The following IMMP1L variants were observed in gnomAD, a reference collection of about 807,000 sequenced individuals.
The protein encoded by IMMP1L is mitochondrial inner membrane protease subunit 1.
Under a neutral mutation model 21.8 loss-of-function variants are expected in IMMP1L, and 24 were observed. That is an observed-to-expected ratio of 1.10 (90% CI 0.80 to 1.55). IMMP1L has a LOEUF of 1.55. IMMP1L is among the 40% of genes most tolerant of loss of function. The probability of loss-of-function intolerance (pLI) is 0.00; values close to 1 mark genes in which losing one functional copy is unlikely to be tolerated. For synonymous variants in IMMP1L, 46 were observed against 62.8 expected (o/e 0.73, Z 1.26); for missense variants, 195 against 200.7 (o/e 0.97, Z 0.17).
intron 1 of IMMP1L, among the ~76,000 whole-genome samples, chr11:31,468,787 G>C (rs890462604): frequency 6.6e-6 from 1 of 152,092 alleles, no homozygotes; most frequent in African/African-American, 2.4e-5. Flanking sequence ...GAGAATAACG[G>C]GTGAGGCATA....
In IMMP1L at chr11:31,509,523, G is replaced by A. The variant is rs773782953; in HGVS notation, c.-34C>T. On this transcript the variant is annotated 5_prime_UTR_variant, in exon 1 of 6. Coordinates refer to ENST00000532287, the MANE Select transcript of IMMP1L (RefSeq NM_001304274.2). Reference sequence around the variant, plus strand: ...ACGTTACGTGATATTACCTACCTCGGGCCCCAAAGAACCCTGGAGACCCTC... The same window carrying A: ...ACGTTACGTGATATTACCTACCTCGAGCCCCAAAGAACCCTGGAGACCCTC... 199 of 541,532 alleles carry A rather than the reference G, an allele frequency of 3.7e-4. No homozygotes were observed. Among genetic ancestry groups the A allele is most frequent in the Admixed American group, 5.8e-4 (19 of 32,530 alleles). 33.5% of individuals were successfully genotyped at this position (541,532 alleles called of 1,614,324 possible).
intron 4 of IMMP1L, among the ~76,000 whole-genome samples, chr11:31,441,186 TA>T (rs1424536107): frequency 6.6e-6 from 1 of 152,126 alleles, no homozygotes; most frequent in Non-Finnish European, 1.5e-5. Flanking sequence ...CACAGAAATA[TA>T]TGTGTATGTG....
At chr11:31,442,613 T>C (rs1953374842) in intron 4 of IMMP1L, among the ~76,000 whole-genome samples, 3 of 152,198 alleles carry the variant, frequency 2.0e-5, no homozygotes, top group Admixed American at 2.0e-4. Context: ...CAACCAGCAA[T>C]GGTAGGGTTT....
Position 31,509,604 on chromosome 11 carries a change from T to C in IMMP1L, c.-115A>G. The stretch of plus-strand genomic sequence containing the variant: ...GGGCCCCGCCGAAGTCGACCGTCCT[T>C]TCGTAGGGCGCACTTTTCAGCAATA... On this transcript the variant is annotated 5_prime_UTR_variant, in exon 1 of 6. Transcript: ENST00000532287. The C allele has an allele frequency of 1.5e-6, 1 of 655,914 alleles. No homozygotes were observed. Among genetic ancestry groups the C allele is most frequent in the Non-Finnish European group, 2.6e-6 (1 of 386,600 alleles). 40.6% of individuals were successfully genotyped at this position (655,914 alleles called of 1,614,324 possible).
intron 4 of IMMP1L, among the ~76,000 whole-genome samples, chr11:31,450,588 T>C (rs1268470527): frequency 6.6e-6 from 1 of 152,220 alleles, no homozygotes; most frequent in African/African-American, 2.4e-5. Context: ...CAATATTTTC[T>C]ACAACTTTCA....
chr11:31,482,933 T>C (rs1954948105), intron 1 of IMMP1L, among the ~76,000 whole-genome samples: 1 of 151,954 alleles, frequency 6.6e-6, no homozygotes, highest in African/African-American at 2.4e-5. Flanking sequence ...TACGCAAATG[T>C]CCACTAACAG....
intron 1 of IMMP1L, among the ~76,000 whole-genome samples, chr11:31,489,610 T>C (rs1412559376): frequency 1.4e-5 from 2 of 143,098 alleles, no homozygotes; most frequent in Admixed American, 7.0e-5. Context: ...CTTCTTATCT[T>C]ATCTCTTGCC....
intron 1 of IMMP1L, among the ~76,000 whole-genome samples, chr11:31,502,565 A>G (rs1955655690): frequency 2.0e-5 from 3 of 152,202 alleles, no homozygotes; most frequent in African/African-American, 7.2e-5. Flanking sequence ...TTCATATGAA[A>G]TAGTTTTAAA....
At chr11:31,434,854 C>T (rs1591933648) in intron 4 of IMMP1L, among the ~76,000 whole-genome samples, 1 of 152,084 alleles carries the variant, frequency 6.6e-6, no homozygotes, top group South Asian at 2.1e-4. Context: ...ACTAGTTTGT[C>T]CAAGGGCCAA....
rs192855206 is a variant in IMMP1L, at chr11:31,507,248, C to G, written c.-30+2271G>C. ...TGAGCCGAGATCGCGCCACTGCACT[C>G]CAGCCCGGGGAACACACCTAGACTC... On this transcript the variant is annotated intron_variant, in intron 1 of 5. Transcript: ENST00000532287. 2.6e-4 allele frequency among the ~76,000 whole-genome samples: 40 copies of G among 152,112 alleles called. No homozygotes were observed. The Middle Eastern group carries it at 0.01, about 39-fold the overall frequency.
chr11:31,465,521 T>C (rs1037111275), intron 1 of IMMP1L, among the ~76,000 whole-genome samples: 2 of 151,938 alleles, frequency 1.3e-5, no homozygotes, highest in Non-Finnish European at 2.9e-5. Flanking sequence ...ATAAAGCTGA[T>C]GGTATTACAC....
rs569114493 is a variant in IMMP1L at position 31,475,434 on chromosome 11, G to A, written c.-29-12129C>T. ...CTCACTGTGCCACAGTTCATGAACGGCTTTTAGAGAGATCAGCCTCCAACT... is the reference window on the plus strand; with the variant it reads ...CTCACTGTGCCACAGTTCATGAACGACTTTTAGAGAGATCAGCCTCCAACT... On this transcript the variant is annotated intron_variant, in intron 1 of 5. Transcript: ENST00000532287. 3.3e-5 allele frequency among the ~76,000 whole-genome samples: 5 copies of A among 152,190 alleles called. No homozygotes were observed. In the South Asian group the frequency reaches 8.3e-4, roughly 25 times the overall value.
In IMMP1L at chr11:31,460,709, A is replaced by G; in HGVS notation, c.111T>C (p.Ser37=). ...FEYVGGVVMC[S]GPSMEPTIQN... The stretch of plus-strand genomic sequence containing the variant: ...GAATTGTAGGCTCCATTGATGGTCC[A>G]GAACACTGAAAAGAGAGGTAATTTG... Residue 37 remains serine (S), a synonymous_variant, in exon 3 of 6, where the codon TCT becomes TCC. Coordinates refer to ENST00000532287, the MANE Select transcript of IMMP1L (RefSeq NM_001304274.2). 6.3e-7 allele frequency: 1 copy of G among 1,592,620 alleles called. No homozygotes were observed. The highest frequency in any genetic ancestry group is 8.6e-7 in the Non-Finnish European group (1 of 1,162,768).
intron 5 of IMMP1L, 142 bp from the exon 6 acceptor site, chr11:31,432,710 C>T (rs899625654): frequency 3.2e-6 from 2 of 630,876 alleles, no homozygotes; most frequent in African/African-American, 3.7e-5. Context: ...AAATTTTCTA[C>T]ATCAAAGTAA....
In IMMP1L at chr11:31,501,142, T is replaced by A. The variant is rs562928621; in HGVS notation, c.-30+8377A>T. Among the ~76,000 whole-genome samples the A allele has an allele frequency of 3.9e-5, 6 of 152,174 alleles. No individual in the cohort carries two copies. In the East Asian group the frequency reaches 1.2e-3, roughly 29 times the overall value. ...CAGATACAGAACATTTCCATCAACA[T>A]AGGAGGTTCTACTGGACAGGGTTCA... On this transcript the variant is annotated intron_variant, in intron 1 of 5. Transcript: ENST00000532287.
At chr11:31,452,807 G>C (rs1484767397) in intron 4 of IMMP1L, 1 of 961,616 alleles carries the variant, frequency 1.0e-6, no homozygotes, top group Non-Finnish European at 1.3e-6. Flanking sequence ...CTGCAGTGCA[G>C]TGGCGCGATC....
At chr11:31,490,863 G>A (rs966139513) in intron 1 of IMMP1L, among the ~76,000 whole-genome samples, 7 of 152,078 alleles carry the variant, frequency 4.6e-5, no homozygotes, top group Non-Finnish European at 7.3e-5. Context: ...TAAATCCAAC[G>A]GGAACGTCCT....
chr11:31,473,506 T>C (rs556968147), intron 1 of IMMP1L, among the ~76,000 whole-genome samples: 105 of 152,222 alleles, frequency 6.9e-4, no homozygotes, highest in Non-Finnish European at 1.2e-3. Flanking sequence ...TCAATTTAAA[T>C]GAAAAAATTT....
chr11:31,506,658 T>TAAA (rs775050688), intron 1 of IMMP1L, among the ~76,000 whole-genome samples: 4 of 125,218 alleles, frequency 3.2e-5, no homozygotes, highest in East Asian at 2.2e-4. Flanking sequence ...TTATCTTTGT[T>TAAA]AAAAAAAAAA....
Sources: gnomAD v4.1 joint callset for allele counts (sites outside exome capture counted in the v4.1 genomes callset) on GRCh38, gnomAD v4.1.1 for gene constraint, MANE v1.5 for transcripts, NCBI Gene and HGNC (gene_info 2026-07-23, HGNC 2026-07-21) for gene names.